The following DDX52 variants were observed in gnomAD, a reference collection of about 807,000 sequenced individuals.
DDX52 encodes the protein DExD-box helicase 52, also known as probable ATP-dependent RNA helicase DDX52.
In DDX52, 59 loss-of-function variants were observed where a neutral mutation model predicts 76.1. That is an observed-to-expected ratio of 0.78 (90% CI 0.63 to 0.96). DDX52 has a LOEUF of 0.96. DDX52 is among the 40% of genes least tolerant of loss of function. The probability of loss-of-function intolerance (pLI) is 0.00; values close to 1 mark genes in which losing one functional copy is unlikely to be tolerated. For synonymous variants in DDX52, 231 were observed against 244.1 expected (o/e 0.95, Z 0.50); for missense variants, 707 against 703.9 (o/e 1.00, Z -0.05).
At chr17:37,629,970 A>G in intron 5 of DDX52, 60 bp downstream of exon 5, 1 of 1,553,226 alleles carries the variant, frequency 6.4e-7, no homozygotes, top group South Asian at 1.2e-5. Flanking sequence ...TTACCTTCAA[A>G]TAAGAAAGAT....
chr17:37,632,402 T>C, intron 3 of DDX52, 104 bp from the exon 4 acceptor site: 1 of 1,318,174 alleles, frequency 7.6e-7, no homozygotes, highest in Non-Finnish European at 1.1e-6. Flanking sequence ...TTTAGCAGCA[T>C]ATGAAACTTT....
intron 3 of DDX52, 152 bp downstream of exon 3, chr17:37,633,136 A>C (rs2030758442): frequency 1.4e-5 from 12 of 850,542 alleles, no homozygotes; most frequent in Non-Finnish European, 1.6e-6. Flanking sequence ...CTTTGCTTTA[A>C]GTTTTCATTA....
chr17:37,628,819 T>A (rs2030524349), intron 5 of DDX52, 147 bp from the exon 6 acceptor site: 1 of 623,244 alleles, frequency 1.6e-6, no homozygotes, highest in Non-Finnish European at 2.7e-6. Context: ...ACCTGAAATC[T>A]CAGCATTTTG....
chr17:37,634,379 C>G (rs572817605), intron 2 of DDX52, among the ~76,000 whole-genome samples: 83 of 151,960 alleles, frequency 5.5e-4, no homozygotes, highest in African/African-American at 2.0e-3. Flanking sequence ...TGCCTGTAAT[C>G]CCAGCACTTT....
At chr17:37,633,457 C>G (rs2030780826) in intron 2 of DDX52, 39 bp from the exon 3 acceptor site, 1 of 1,465,916 alleles carries the variant, frequency 6.8e-7, no homozygotes, top group South Asian at 1.4e-5. Context: ...TTTTAACAGT[C>G]TAGGCAACAT....
intron 2 of DDX52, among the ~76,000 whole-genome samples, chr17:37,633,943 T>C (rs954067022): frequency 5.3e-4 from 73 of 137,752 alleles, no homozygotes; most frequent in Non-Finnish European, 1.0e-3. Flanking sequence ...TTCTTTCCTT[T>C]TTTTTTTTTT....
At position 37,618,384 on chromosome 17, in the gene DDX52, G is replaced by A. The variant is rs1458701291; in HGVS notation, c.1650C>T (p.Ser550=). 6.3e-7 allele frequency: 1 copy of A among 1,578,304 alleles called. No homozygotes were observed. Among genetic ancestry groups the A allele is most frequent in the East Asian group, 2.3e-5 (1 of 42,762 alleles). The change falls in exon 14 of 15, where the codon AGC becomes AGT. Residue 550 remains serine, a splice_region_variant and synonymous_variant. Coordinates refer to ENST00000617633, the MANE Select transcript of DDX52 (RefSeq NM_007010.5). ...TCTTAATCATCTTTTTCTTTTGTTT[G>A]CTGAAAGTTACAAAGTAAAAAAGGA... ...EYIKGFQKLL[S]KQKKKMIKKP... is the part of the protein sequence containing the mutation.
chr17:37,627,975 C>T (rs2030475900), intron 6 of DDX52, among the ~76,000 whole-genome samples: 1 of 151,904 alleles, frequency 6.6e-6, no homozygotes, highest in Admixed American at 6.6e-5. Flanking sequence ...GATGGAGTCT[C>T]GCTATGTTGC....
In DDX52 at chr17:37,633,940, CTTT is replaced by C. The variant is rs557054736; in HGVS notation, c.287-525_287-523del. On this transcript the variant is annotated intron_variant, in intron 2 of 14. Transcript: ENST00000617633. Reference sequence around the variant, plus strand: ...ACTTAAACAATGATAAATTTCTTTCCTTTTTTTTTTTTTTTTTTTGTTTGAGAC... The same window carrying C: ...ACTTAAACAATGATAAATTTCTTTCCTTTTTTTTTTTTTTTTGTTTGAGAC... Among the ~76,000 whole-genome samples, 572 of 129,970 alleles carry C rather than the reference CTTT, an allele frequency of 4.4e-3. 1 individual carries two copies. Among genetic ancestry groups the C allele is most frequent in the African/African-American group, 0.015 (519 of 34,242 alleles). The allele number at this position is 129,970 out of a possible 152,430, so 85.3% of individuals were successfully genotyped here. A position where few individuals can be genotyped will look rare whatever the true frequency, so the allele number is the denominator to read the frequency against.
Position 37,633,428 on chromosome 17 carries a change from A to G in DDX52, c.287-10T>C. The G allele has an allele frequency of 6.5e-7, 1 of 1,546,824 alleles. No homozygotes were observed. The highest frequency in any genetic ancestry group is 8.7e-7 in the Non-Finnish European group (1 of 1,154,252). ...TCTTGGGAAGCAATTTCTAAAATATATTTTTAAAAAGTAAAAGATTTTAAC... is the reference window on the plus strand; with the variant it reads ...TCTTGGGAAGCAATTTCTAAAATATGTTTTTAAAAAGTAAAAGATTTTAAC... On this transcript the variant is annotated splice_polypyrimidine_tract_variant and intron_variant, in intron 2 of 14. Transcript: ENST00000617633.
chr17:37,636,506 T>C (rs958738607), intron 2 of DDX52, among the ~76,000 whole-genome samples: 7 of 152,196 alleles, frequency 4.6e-5, no homozygotes, highest in African/African-American at 1.7e-4. Flanking sequence ...CAAAATTTTT[T>C]GCACCAAAAT....
intron 8 of DDX52, among the ~76,000 whole-genome samples, chr17:37,625,556 A>C (rs2030323041): frequency 6.6e-6 from 1 of 152,190 alleles, no homozygotes; most frequent in South Asian, 2.1e-4. Flanking sequence ...CAAGTGGCTC[A>C]GTGACATCAG....
intron 3 of DDX52, 56 bp downstream of exon 3, chr17:37,633,232 A>G (rs982741524): frequency 6.6e-7 from 1 of 1,506,966 alleles, no homozygotes; most frequent in Admixed American, 2.1e-5. Context: ...AATCCAGCGA[A>G]TAAGTCACTA....
intron 13 of DDX52, 25 bp downstream of exon 13, chr17:37,619,743 G>C (rs2029980877): frequency 6.4e-7 from 1 of 1,573,778 alleles, no homozygotes; most frequent in African/African-American, 1.4e-5. Flanking sequence ...GACAGACAAA[G>C]ATACAGGTAA....
chr17:37,625,872 A>C, intron 8 of DDX52, 23 bp downstream of exon 8: 1 of 1,613,242 alleles, frequency 6.2e-7, no homozygotes, highest in Non-Finnish European at 8.5e-7. Flanking sequence ...TCAGTGTGAT[A>C]ATGTTGAGAA....
chr17:37,641,498 G>C (rs143127075), intron 2 of DDX52, among the ~76,000 whole-genome samples: 3 of 152,276 alleles, frequency 2.0e-5, no homozygotes, highest in African/African-American at 4.8e-5. Context: ...CGGCACTTTG[G>C]GGGGCCAAAG....
chr17:37,632,790 C>T (rs962635519), intron 3 of DDX52, among the ~76,000 whole-genome samples: 2 of 152,130 alleles, frequency 1.3e-5, no homozygotes, highest in African/African-American at 4.8e-5. Flanking sequence ...GAGCTGAATA[C>T]ACCTCTCCAT....
chr17:37,620,332 T>G (rs758169260), intron 12 of DDX52: 2 of 161,762 alleles, frequency 1.2e-5, no homozygotes, highest in African/African-American at 2.4e-5. Context: ...ATGCTTGGAG[T>G]TGCTGAGGCC....
intron 6 of DDX52, 125 bp downstream of exon 6, chr17:37,628,433 GTTC>G (rs1458943759): frequency 4.1e-6 from 3 of 730,484 alleles, no homozygotes; most frequent in Non-Finnish European, 6.8e-6. Flanking sequence ...GATCGCTTTA[GTTC>G]TTCTAAAATT....
Sources: gnomAD v4.1 joint callset for allele counts (sites outside exome capture counted in the v4.1 genomes callset) on GRCh38, gnomAD v4.1.1 for gene constraint, MANE v1.5 for transcripts, NCBI Gene and HGNC (gene_info 2026-07-23, HGNC 2026-07-21) for gene names.